ABCA13: variants seen among roughly 807,000 people sequenced by gnomAD.
ABCA13 encodes the protein ATP binding cassette subfamily A member 13.
Under a neutral mutation model 478.7 loss-of-function variants are expected in ABCA13, and 476 were observed. That is an observed-to-expected ratio of 0.99 (90% CI 0.92 to 1.07). The LOEUF (loss-of-function observed/expected upper bound fraction) is 1.07. Among genes scored for constraint, ABCA13 ranks in the 50% least tolerant of loss-of-function variants. The pLI, the probability that ABCA13 is intolerant of heterozygous loss-of-function variation, is 0.00. For missense variants in ABCA13, 6,060 were observed against 5,910.6 expected (o/e 1.03, Z -0.83); for synonymous variants, 2,252 against 2,158.9 (o/e 1.04, Z -1.20).
chr7:48,403,843 C>A lies in ABCA13; in HGVS notation c.12034C>A (p.His4012Asn), dbSNP rs763801482. ...CAGTGGGGTGGACCCTTGCTCCCGG[C>A]ATAGCCTGTGGGACATTCTGCTCAA... is the stretch of plus-strand genomic sequence containing the variant. The part of the protein sequence containing the change: ...PTSGVDPCSR[H>N]SLWDILLKYR... Residue 4012 changes from histidine to asparagine, a missense_variant, in exon 39 of 62, where the codon CAT becomes AAT. His to Asn is a moderately conservative substitution (Grantham distance 68). Around this residue, in one of 3 missense-constraint regions of ABCA13, gnomAD observed 1,627 missense variants for 1,571.0 expected, o/e 1.04. Transcript: ENST00000435803. 104 of 1,613,510 alleles carry A rather than the reference C, an allele frequency of 6.4e-5. No homozygotes were observed. The highest frequency in any genetic ancestry group is 8.7e-5 in the Non-Finnish European group (103 of 1,179,700).
chr7:48,267,122 A>G (rs1794971632), intron 15 of ABCA13, among the ~76,000 whole-genome samples: 1 of 152,058 alleles, frequency 6.6e-6, no homozygotes, highest in South Asian at 2.1e-4. Context: ...TAAATGCTCC[A>G]TATGCACTGG....
At chr7:48,216,800 T>C (rs538091656) in intron 3 of ABCA13, among the ~76,000 whole-genome samples, 68 of 152,316 alleles carry the variant, frequency 4.5e-4, no homozygotes, top group African/African-American at 1.5e-3. Flanking sequence ...CTTTTGCATG[T>C]GGATATGCAG....
intron 27 of ABCA13, among the ~76,000 whole-genome samples, chr7:48,320,572 T>G (rs899694607): frequency 6.6e-6 from 1 of 152,232 alleles, no homozygotes; most frequent in Admixed American, 6.5e-5. Flanking sequence ...GTCAGAGTCG[T>G]GTTCAGTTTT....
chr7:48,270,029 A>G (rs1346037637), intron 16 of ABCA13, among the ~76,000 whole-genome samples: 2 of 152,196 alleles, frequency 1.3e-5, no homozygotes, highest in African/African-American at 2.4e-5. Flanking sequence ...ACTAGTCTAT[A>G]TGTGCACAAG....
chr7:48,293,090 TC>T (rs1356243550), intron 20 of ABCA13, among the ~76,000 whole-genome samples: 4 of 151,658 alleles, frequency 2.6e-5, no homozygotes, highest in East Asian at 3.9e-4. Context: ...CTGGTTTAGT[TC>T]CCCCCACAGT....
intron 3 of ABCA13, among the ~76,000 whole-genome samples, chr7:48,215,505 A>G (rs1486885673): frequency 6.6e-6 from 1 of 152,196 alleles, no homozygotes; most frequent in Non-Finnish European, 1.5e-5. Flanking sequence ...CAAAGTGAGC[A>G]CATGCTGTTG....
chr7:48,538,951 A>C (rs1225246804), intron 55 of ABCA13, among the ~76,000 whole-genome samples: 1 of 152,206 alleles, frequency 6.6e-6, no homozygotes, highest in Admixed American at 6.5e-5. Context: ...TGCTGACTGC[A>C]TACTGATGAT....
In ABCA13 at chr7:48,516,883, T is replaced by G; in HGVS notation, c.13797+2T>G. ...CTAGCCATCATCTCCAAAGCTAAGG[T>G]CAGTAGCTTTGTAGCATCACCTCTA... On this transcript the variant is annotated splice_donor_variant, in intron 52 of 61. Transcript: ENST00000435803. LOFTEE classifies it high-confidence loss of function. The G allele has an allele frequency of 6.2e-7, 1 of 1,613,212 alleles. No homozygotes were observed.
intron 19 of ABCA13, among the ~76,000 whole-genome samples, chr7:48,283,258 G>A (rs1267811029): frequency 6.6e-6 from 1 of 152,158 alleles, no homozygotes; most frequent in Non-Finnish European, 1.5e-5. Context: ...GTATGGACCA[G>A]CATCTACTGG....
intron 55 of ABCA13, among the ~76,000 whole-genome samples, chr7:48,555,566 G>T (rs750094973): frequency 6.6e-6 from 1 of 151,830 alleles, no homozygotes; most frequent in Non-Finnish European, 1.5e-5. Context: ...TAGGTTGTAT[G>T]TGTCTAGGAA....
chr7:48,583,082 A>T (rs1227665966), intron 56 of ABCA13, among the ~76,000 whole-genome samples: 1 of 152,084 alleles, frequency 6.6e-6, no homozygotes, highest in Non-Finnish European at 1.5e-5. Flanking sequence ...AGATTTGGCA[A>T]ATTCTGTGTT....
intron 29 of ABCA13, 119 bp from the exon 30 acceptor site, chr7:48,350,524 T>A: frequency 7.8e-7 from 1 of 1,274,966 alleles, no homozygotes; most frequent in Non-Finnish European, 1.1e-6. Flanking sequence ...TTTGAGCAAT[T>A]TTTTAGTGGA....
intron 33 of ABCA13, among the ~76,000 whole-genome samples, chr7:48,373,690 T>C (rs1181153136): frequency 1.3e-5 from 2 of 152,170 alleles, no homozygotes; most frequent in Non-Finnish European, 2.9e-5. Flanking sequence ...AGAAAAAGAG[T>C]CATCCATGAT....
At chr7:48,386,729 A>C (rs571403438) in intron 35 of ABCA13, among the ~76,000 whole-genome samples, 16 of 152,222 alleles carry the variant, frequency 1.1e-4, no homozygotes, top group African/African-American at 2.7e-4. Flanking sequence ...ATATACAAAA[A>C]TTAATTCAAG....
At chr7:48,230,474 G>A (rs1788886984) in intron 7 of ABCA13, among the ~76,000 whole-genome samples, 1 of 152,122 alleles carries the variant, frequency 6.6e-6, no homozygotes. Flanking sequence ...CTGAGTCTGA[G>A]CTTTTTACTT....
intron 27 of ABCA13, among the ~76,000 whole-genome samples, chr7:48,317,699 T>A (rs901705135): frequency 1.1e-4 from 16 of 152,292 alleles, no homozygotes; most frequent in Admixed American, 3.3e-4. Context: ...TACAAACTGA[T>A]GTATTAGCAG....
intron 34 of ABCA13, among the ~76,000 whole-genome samples, chr7:48,375,473 T>A (rs1209081882): frequency 6.6e-6 from 1 of 152,156 alleles, no homozygotes. Context: ...TAAAATAGAG[T>A]GCAATTATCT....
chr7:48,350,237 G>A (rs762865320), intron 29 of ABCA13, among the ~76,000 whole-genome samples: 19 of 152,128 alleles, frequency 1.2e-4, no homozygotes, highest in Non-Finnish European at 2.6e-4. Context: ...TTCAGGGAAG[G>A]CGTGTTTTTT....
chr7:48,178,623 C>T (rs1224359685), intron 1 of ABCA13, among the ~76,000 whole-genome samples: 2 of 151,182 alleles, frequency 1.3e-5, no homozygotes, highest in Admixed American at 1.3e-4. Context: ...TGCAGTGAGC[C>T]GAGCTCGCAC....
Sources: allele counts gnomAD v4.1 joint callset (sites outside exome capture counted in the v4.1 genomes callset), GRCh38; gene constraint gnomAD v4.1.1; regional missense constraint gnomAD v4.1.1; transcripts MANE v1.5; gene names NCBI Gene and HGNC (gene_info 2026-07-23, HGNC 2026-07-21).